ABTB2: variants seen among roughly 807,000 people sequenced by gnomAD.
ABTB2 encodes the protein ankyrin repeat and BTB domain containing 2, also known as ankyrin repeat and BTB/POZ domain-containing protein 2.
A neutral mutation model predicts 104.1 loss-of-function variants in ABTB2; 56 were observed. That is an observed-to-expected ratio of 0.54 (90% CI 0.43 to 0.67). The LOEUF (loss-of-function observed/expected upper bound fraction) is 0.67. Ranked by LOEUF, ABTB2 falls within the 30% of genes least tolerant of loss-of-function variation. The pLI, the probability that ABTB2 is intolerant of heterozygous loss-of-function variation, is 0.00. For missense variants in ABTB2, 1,279 were observed against 1,407.7 expected (o/e 0.91, Z 1.46); for synonymous variants, 606 against 608.2 (o/e 1.00, Z 0.05).
chr11:34,268,087 T>C (rs1854272008), intron 1 of ABTB2, among the ~76,000 whole-genome samples: 1 of 152,052 alleles, frequency 6.6e-6, no homozygotes, highest in Non-Finnish European at 1.5e-5. Context: ...CCAGCCACCA[T>C]GCTCGGCTAA....
intron 1 of ABTB2, among the ~76,000 whole-genome samples, chr11:34,350,210 C>G (rs1428163060): frequency 6.6e-6 from 1 of 152,128 alleles, no homozygotes; most frequent in Non-Finnish European, 1.5e-5. Context: ...ATGGAGTCAG[C>G]AGCCGGACAC....
intron 1 of ABTB2, among the ~76,000 whole-genome samples, chr11:34,332,916 T>C (rs1335856189): frequency 1.1e-4 from 17 of 151,752 alleles, no homozygotes; most frequent in Admixed American, 1.1e-3. Flanking sequence ...CACAGGAACA[T>C]GAATTATGGT....
chr11:34,234,283 A>G (rs1853811409), intron 1 of ABTB2, among the ~76,000 whole-genome samples: 1 of 152,152 alleles, frequency 6.6e-6, no homozygotes, highest in Non-Finnish European at 1.5e-5. Flanking sequence ...CACCTTACTC[A>G]AGGAGGCCTA....
chr11:34,172,768 G>T (rs749614950), intron 4 of ABTB2, among the ~76,000 whole-genome samples: 2 of 152,150 alleles, frequency 1.3e-5, no homozygotes, highest in Non-Finnish European at 2.9e-5. Context: ...AAGAGGAAGG[G>T]CTCACAGCAC....
intron 1 of ABTB2, among the ~76,000 whole-genome samples, chr11:34,296,354 G>C (rs1249146982): frequency 6.6e-6 from 1 of 152,034 alleles, no homozygotes; most frequent in African/African-American, 2.4e-5. Context: ...GAGAGTTCAT[G>C]GACAGTGGAA....
At chr11:34,232,007 T>C (rs1250731110) in intron 1 of ABTB2, among the ~76,000 whole-genome samples, 3 of 152,082 alleles carry the variant, frequency 2.0e-5, no homozygotes, top group Non-Finnish European at 4.4e-5. Context: ...AAATATGGCA[T>C]GGGTTCCTGA....
At chr11:34,314,998 C>G (rs1010540424) in intron 1 of ABTB2, among the ~76,000 whole-genome samples, 9 of 152,210 alleles carry the variant, frequency 5.9e-5, no homozygotes, top group Non-Finnish European at 1.0e-4. Context: ...CAAATGACTT[C>G]CCCAGAAAGG....
chr11:34,335,493 C>T (rs1430289762), intron 1 of ABTB2: 29 of 883,424 alleles, frequency 3.3e-5, no homozygotes, highest in Non-Finnish European at 5.5e-5. Context: ...GATTAATTTG[C>T]TATTAGCTAC....
rs1025982760 is a variant in ABTB2 at position 34,223,139 on chromosome 11, G to A, written c.884-18449C>T. On this transcript the variant is annotated intron_variant, in intron 1 of 16. Transcript: ENST00000435224. The stretch of plus-strand genomic sequence containing the variant: ...GGGGCTATAAACGTCACATGGACAA[G>A]CGGAGAGTGAGTTTACGAGGCTGGC... Among the ~76,000 whole-genome samples the A allele has an allele frequency of 5.9e-5, 9 of 152,282 alleles. No individual in the cohort carries two copies. In the East Asian group the frequency reaches 1.7e-3, roughly 29 times the overall value.
intron 3 of ABTB2, among the ~76,000 whole-genome samples, chr11:34,176,787 A>ATAAT (rs1217957810): frequency 6.6e-6 from 1 of 152,242 alleles, no homozygotes. Flanking sequence ...AGAATGGTGT[A>ATAAT]TAATTTTCAA....
chr11:34,197,156 T>G (rs549618652), intron 3 of ABTB2, among the ~76,000 whole-genome samples, 169 bp downstream of exon 3: 6 of 152,190 alleles, frequency 3.9e-5, no homozygotes, highest in Admixed American at 2.0e-4. Flanking sequence ...TGCACACCAG[T>G]GCAGGCCTTC....
rs749226653 is a variant in ABTB2 at position 34,225,585 on chromosome 11, G to A, written c.884-20895C>T. ...AGCCTGACCAACATGGAGAAACCCC[G>A]TCTCTACTAAAAATACAAAATTAGC... On this transcript the variant is annotated intron_variant, in intron 1 of 16. Coordinates refer to ENST00000435224, the MANE Select transcript of ABTB2 (RefSeq NM_145804.3). 2.4e-4 allele frequency among the ~76,000 whole-genome samples: 36 copies of A among 151,990 alleles called. 1 individual carries two copies. The highest frequency in any genetic ancestry group is 8.5e-4 in the African/African-American group (35 of 41,384).
rs145853172 is a variant in ABTB2 at position 34,329,575 on chromosome 11, C to T, written c.883+27126G>A. ...CCTAGGCCAGGCCCATCAGAGCCAACGAGACTCAAGTCCAGAATCTTTGAG... is the reference window on the plus strand; with the variant it reads ...CCTAGGCCAGGCCCATCAGAGCCAATGAGACTCAAGTCCAGAATCTTTGAG... On this transcript the variant is annotated intron_variant, in intron 1 of 16. Transcript: ENST00000435224. 5.4e-4 allele frequency among the ~76,000 whole-genome samples: 82 copies of T among 152,328 alleles called. 2 individuals carry two copies. Among genetic ancestry groups the T allele is most frequent in the South Asian group, 1.9e-3 (9 of 4,830 alleles).
At chr11:34,172,392 AAAAATAT>A (rs1458944972) in intron 4 of ABTB2, among the ~76,000 whole-genome samples, 4 of 48,220 alleles carry the variant, frequency 8.3e-5, no homozygotes, top group African/African-American at 2.6e-4. Context: ...AAAAAAAAAA[AAAAATAT>A]ATATATATAT....
rs1200314798 is a variant in ABTB2, at chr11:34,161,032, G to T, written c.2268C>A (p.Phe756Leu). ...GCACCACCGAGTACCGCGACTGCGA[G>T]AACGAGGTCCTCAGAGACTCGATCC... The part of the protein sequence containing the change: ...HIWIESLRTS[F>L]SQSRYSVVQS... The change falls in exon 11 of 17, where the codon TTC (phenylalanine) becomes TTA (leucine). Residue 756 changes from phenylalanine (F) to leucine (L), a missense_variant. Coordinates refer to ENST00000435224, the MANE Select transcript of ABTB2 (RefSeq NM_145804.3). The T allele has an allele frequency of 6.2e-7, 1 of 1,613,318 alleles. No individual in the cohort carries two copies. The highest frequency in any genetic ancestry group is 1.7e-5 in the Admixed American group (1 of 59,952).
chr11:34,173,074 A>T, intron 4 of ABTB2, 81 bp downstream of exon 4: 1 of 1,573,988 alleles, frequency 6.4e-7, no homozygotes, highest in Admixed American at 1.7e-5. Flanking sequence ...CCGCCCAGCC[A>T]TCTGGGGAAG....
intron 1 of ABTB2, among the ~76,000 whole-genome samples, chr11:34,239,726 C>T (rs1355509369): frequency 6.6e-6 from 1 of 152,208 alleles, no homozygotes; most frequent in African/African-American, 2.4e-5. Flanking sequence ...GTAGCCCTGA[C>T]TTGTACCACA....
At position 34,160,789 on chromosome 11, in the gene ABTB2, G is replaced by A. The variant is rs554997980; in HGVS notation, c.2397+114C>T. 116 of 1,187,430 alleles carry A rather than the reference G, an allele frequency of 9.8e-5. 1 individual carries two copies. The African/African-American group carries it at 1.2e-3, about 13-fold the overall frequency. 73.6% of individuals were successfully genotyped at this position (1,187,430 alleles called of 1,614,324 possible). On this transcript the variant is annotated intron_variant, in intron 11 of 16. Coordinates refer to ENST00000435224, the MANE Select transcript of ABTB2 (RefSeq NM_145804.3). ...AGGGCAGGCGTGTGAGTGTGTGTGC[G>A]TTGGGTGAGGGGGTCCCTGTGTCTG...
intron 1 of ABTB2, among the ~76,000 whole-genome samples, chr11:34,279,026 TG>T (rs1201199644): frequency 3.9e-5 from 6 of 152,356 alleles, no homozygotes; most frequent in African/African-American, 1.4e-4. Flanking sequence ...TGCAGCTCCA[TG>T]GGTATAATGT....
Sources: gnomAD v4.1 joint callset for allele counts (sites outside exome capture counted in the v4.1 genomes callset) on GRCh38, gnomAD v4.1.1 for gene constraint, MANE v1.5 for transcripts, NCBI Gene and HGNC (gene_info 2026-07-23, HGNC 2026-07-21) for gene names.